The following NCMAP variants were observed in gnomAD, a reference collection of about 807,000 sequenced individuals.
NCMAP encodes the protein non-compact myelin associated protein, also known as noncompact myelin-associated protein.
In NCMAP, 8 loss-of-function variants were observed where a neutral mutation model predicts 7.8. That is an observed-to-expected ratio of 1.02 (90% confidence interval 0.60 to 1.84). NCMAP has a LOEUF of 1.84. Among genes scored for constraint, NCMAP ranks in the 40% most tolerant of loss-of-function variants. The probability of loss-of-function intolerance (pLI) is 0.00; values close to 1 mark genes in which losing one functional copy is unlikely to be tolerated. For synonymous variants in NCMAP, 41 were observed against 52.9 expected (o/e 0.78, Z 0.98); for missense variants, 112 against 131.4 (o/e 0.85, Z 0.72).
intron 1 of NCMAP, among the ~76,000 whole-genome samples, chr1:24,581,595 A>T (rs1202470041): frequency 6.6e-6 from 1 of 152,230 alleles, no homozygotes; most frequent in Non-Finnish European, 1.5e-5. Context: ...GAGAAGTCCA[A>T]GGCTCTGCCT....
chr1:24,569,690 G>A (rs1315514508), intron 1 of NCMAP, among the ~76,000 whole-genome samples: 1 of 150,434 alleles, frequency 6.6e-6, no homozygotes, highest in African/African-American at 2.5e-5. Flanking sequence ...TGGAAATAAT[G>A]ATACCCACCT....
intron 1 of NCMAP, among the ~76,000 whole-genome samples, chr1:24,587,232 G>GTTCCCT (rs1651906678): frequency 6.6e-6 from 1 of 152,132 alleles, no homozygotes; most frequent in Non-Finnish European, 1.5e-5. Context: ...ACCCATGAGG[G>GTTCCCT]ACACCATCAC....
Position 24,606,014 on chromosome 1 carries a change from C to T in NCMAP, c.*267C>T. On this transcript the variant is annotated 3_prime_UTR_variant, in exon 4 of 4. Coordinates refer to ENST00000374392, the MANE Select transcript of NCMAP (RefSeq NM_001010980.5). ...ATGAGGTAGAGCTATGTTGGGAATC[C>T]ACCAATGTGGGCTTGGCTTTCCCCC... is the stretch of plus-strand genomic sequence containing the variant. 2.3e-6 allele frequency: 1 copy of T among 435,064 alleles called. No individual in the cohort carries two copies. Among genetic ancestry groups the T allele is most frequent in the Non-Finnish European group, 4.2e-6 (1 of 240,940 alleles). The allele number at this position is 435,064 out of a possible 1,614,324, so 27.0% of individuals were successfully genotyped here. A position where few individuals can be genotyped will look rare whatever the true frequency, so the allele number is the denominator to read the frequency against.
intron 1 of NCMAP, among the ~76,000 whole-genome samples, chr1:24,583,815 C>T (rs1195331577): frequency 6.6e-6 from 1 of 151,958 alleles, no homozygotes; most frequent in Admixed American, 6.6e-5. Flanking sequence ...GCTTACCTCC[C>T]GGGGACCAGG....
intron 1 of NCMAP, among the ~76,000 whole-genome samples, chr1:24,557,555 C>G (rs1408714374): frequency 1.3e-5 from 2 of 152,142 alleles, no homozygotes; most frequent in Admixed American, 1.3e-4. Context: ...AATCCTGAGT[C>G]CCATCAGCCC....
intron 2 of NCMAP, among the ~76,000 whole-genome samples, chr1:24,597,880 G>A (rs765470379): frequency 3.3e-5 from 5 of 150,978 alleles, no homozygotes; most frequent in Non-Finnish European, 5.9e-5. Context: ...GGTATCCATT[G>A]TTTGTTGAAA....
intron 1 of NCMAP, among the ~76,000 whole-genome samples, chr1:24,575,033 G>A (rs1435887983): frequency 2.0e-5 from 3 of 151,898 alleles, no homozygotes; most frequent in African/African-American, 4.8e-5. Context: ...CAGGTGATCC[G>A]CCAGCCTTGG....
chr1:24,573,542 C>T (rs756157324), intron 1 of NCMAP, among the ~76,000 whole-genome samples: 7 of 150,528 alleles, frequency 4.7e-5, no homozygotes, highest in East Asian at 1.9e-4. Context: ...GAGCTAAGAT[C>T]GCACCATTGC....
In NCMAP at chr1:24,569,501, C is replaced by G. The variant is rs976541945; in HGVS notation, c.-8+13332C>G. ...TCTTCCCTTCCCACCTCATAAAGTC[C>G]CAGTCAAATGATAATAGTAACAATG... On this transcript the variant is annotated intron_variant, in intron 1 of 3. Coordinates refer to ENST00000374392, the MANE Select transcript of NCMAP (RefSeq NM_001010980.5). Among the ~76,000 whole-genome samples the G allele has an allele frequency of 5.6e-4, 84 of 150,594 alleles. 4 individuals carry two copies. The highest frequency in any genetic ancestry group is 2.0e-3 in the African/African-American group (80 of 39,938).
intron 1 of NCMAP, among the ~76,000 whole-genome samples, chr1:24,586,055 G>A (rs113731092): frequency 6.6e-6 from 1 of 152,320 alleles, no homozygotes; most frequent in Non-Finnish European, 1.5e-5. Context: ...AGCACTCCAG[G>A]CACTCTGTTG....
intron 3 of NCMAP, among the ~76,000 whole-genome samples, chr1:24,601,413 T>C (rs758133903): frequency 7.9e-5 from 12 of 152,344 alleles, no homozygotes; most frequent in Non-Finnish European, 1.6e-4. Flanking sequence ...GTACCCTGAC[T>C]CTGCTTTCTG....
chr1:24,593,544 C>T (rs1049701655), intron 1 of NCMAP, among the ~76,000 whole-genome samples: 1 of 152,032 alleles, frequency 6.6e-6, no homozygotes, highest in Non-Finnish European at 1.5e-5. Context: ...TAAACATTTG[C>T]TAAATGTGAA....
intron 1 of NCMAP, among the ~76,000 whole-genome samples, chr1:24,571,212 C>T (rs1438709318): frequency 3.3e-5 from 5 of 150,754 alleles, no homozygotes; most frequent in African/African-American, 1.0e-4. Flanking sequence ...CACGGTGGCT[C>T]ATGCCTGTAA....
intron 2 of NCMAP, among the ~76,000 whole-genome samples, chr1:24,596,916 G>A (rs1309729894): frequency 1.3e-5 from 2 of 152,108 alleles, no homozygotes; most frequent in African/African-American, 4.8e-5. Context: ...AGCCATTTCA[G>A]CTGGCTACAC....
rs71032831 is a variant in NCMAP, at chr1:24,597,617, G to GAGAAAGAAAGAAAGAA, written c.82+2147_82+2162dup. Among the ~76,000 whole-genome samples the GAGAAAGAAAGAAAGAA allele has an allele frequency of 2.6e-3, 229 of 87,530 alleles. 3 individuals carry two copies. The highest frequency in any genetic ancestry group is 3.1e-3 in the Non-Finnish European group (143 of 45,932). The allele number at this position is 87,530 out of a possible 152,430, so 57.4% of individuals were successfully genotyped here. A position where few individuals can be genotyped will look rare whatever the true frequency, so the allele number is the denominator to read the frequency against. ...AAGAAGAAAGAAAGAAAGAAAGAAA[G>GAGAAAGAAAGAAAGAA]AGAAAGAAAGAAAGAAAGAAAGAAA... On this transcript the variant is annotated intron_variant, in intron 2 of 3. Coordinates refer to ENST00000374392, the MANE Select transcript of NCMAP (RefSeq NM_001010980.5).
At chr1:24,557,395 A>ATGTG (rs1011267706) in intron 1 of NCMAP, among the ~76,000 whole-genome samples, 11 of 150,886 alleles carry the variant, frequency 7.3e-5, no homozygotes, top group South Asian at 4.2e-4. Context: ...GTATGTGTGC[A>ATGTG]TGTGTGTGTG....
intron 1 of NCMAP, among the ~76,000 whole-genome samples, chr1:24,591,494 C>T (rs1178306895): frequency 2.6e-5 from 4 of 152,256 alleles, no homozygotes; most frequent in Admixed American, 6.5e-5. Context: ...CCTCAAACTT[C>T]TGACCTCAAG....
chr1:24,597,661 AAGAAAGAAAG>A (rs1451196359), intron 2 of NCMAP, among the ~76,000 whole-genome samples: 1 of 142,558 alleles, frequency 7.0e-6, no homozygotes, highest in East Asian at 2.1e-4. Flanking sequence ...GAAAGAAAGA[AAGAAAGAAAG>A]AAAAGAAAAA....
At chr1:24,598,625 T>C (rs1652341466) in intron 2 of NCMAP, among the ~76,000 whole-genome samples, 2 of 151,324 alleles carry the variant, frequency 1.3e-5, no homozygotes, top group South Asian at 4.2e-4. Flanking sequence ...TCTTTTCTTT[T>C]CTTTCTTTTT....
Sources: gnomAD v4.1 joint callset for allele counts (sites outside exome capture counted in the v4.1 genomes callset) on GRCh38, gnomAD v4.1.1 for gene constraint, MANE v1.5 for transcripts, NCBI Gene and HGNC (gene_info 2026-07-23, HGNC 2026-07-21) for gene names.